Variants in AGAP1 observed in about 807,000 individuals in gnomAD.
The protein encoded by AGAP1 is arf-GAP with GTPase, ANK repeat and PH domain-containing protein 1.
AGAP1 carries 29 observed loss-of-function variants against 105.3 expected under a neutral mutation model. That is an observed-to-expected ratio of 0.28 (90% CI 0.21 to 0.38). AGAP1 has a LOEUF of 0.38. Ranked by LOEUF, AGAP1 falls within the 10% of genes least tolerant of loss-of-function variation. The pLI is 1.00. For synonymous variants in AGAP1, 509 were observed against 485.9 expected, an observed-to-expected ratio of 1.05 and a Z score of -0.63; for missense variants, 998 against 1,165.1, an observed-to-expected ratio of 0.86 and a Z score of 2.09.
intron 1 of AGAP1, among the ~76,000 whole-genome samples, chr2:235,680,640 G>C (rs1192534658): frequency 2.0e-5 from 3 of 152,116 alleles, no homozygotes; most frequent in Non-Finnish European, 4.4e-5. Flanking sequence ...GGTGCTGACA[G>C]GGTGAATGTA....
chr2:235,828,353 T>C (rs994917866), intron 9 of AGAP1, among the ~76,000 whole-genome samples: 3 of 152,114 alleles, frequency 2.0e-5, no homozygotes, highest in Non-Finnish European at 4.4e-5. Context: ...ATTTATGTAA[T>C]GAAAAATCTC....
intron 12 of AGAP1, among the ~76,000 whole-genome samples, chr2:235,952,005 A>G (rs2053757861): frequency 6.6e-6 from 1 of 152,224 alleles, no homozygotes; most frequent in Non-Finnish European, 1.5e-5. Context: ...TTTTAAATAC[A>G]GTTGTTTAAT....
intron 1 of AGAP1, among the ~76,000 whole-genome samples, chr2:235,644,295 C>G (rs1367595357): frequency 6.6e-6 from 1 of 152,174 alleles, no homozygotes; most frequent in East Asian, 1.9e-4. Flanking sequence ...AAGAACGGAG[C>G]GGAGCCTGTT....
At chr2:235,952,368 T>C (rs1286546178) in intron 12 of AGAP1, among the ~76,000 whole-genome samples, 1 of 151,806 alleles carries the variant, frequency 6.6e-6, no homozygotes, top group Non-Finnish European at 1.5e-5. Flanking sequence ...AAAAAAAAAT[T>C]TCATCAGCCA....
intron 10 of AGAP1, among the ~76,000 whole-genome samples, chr2:235,886,960 T>A: frequency 6.6e-6 from 1 of 152,214 alleles, no homozygotes; most frequent in East Asian, 1.9e-4. Context: ...GTGGTCTTGG[T>A]TCAAAATGGG....
At chr2:235,694,815 T>C (rs1277940121) in intron 1 of AGAP1, among the ~76,000 whole-genome samples, 2 of 152,108 alleles carry the variant, frequency 1.3e-5, no homozygotes, top group East Asian at 1.9e-4. Flanking sequence ...TGAGGAGTTA[T>C]GGGTGATTAG....
rs2059088170 is a variant in AGAP1 at position 236,092,514 on chromosome 2, T to A, written c.2115-27678T>A. Among the ~76,000 whole-genome samples the A allele has an allele frequency of 6.6e-6, 1 of 152,092 alleles. No individual in the cohort carries two copies. Among genetic ancestry groups the A allele is most frequent in the Non-Finnish European group, 1.5e-5 (1 of 68,018 alleles). On this transcript the variant is annotated intron_variant, in intron 16 of 17. Transcript: ENST00000304032. The surrounding 1 kb of genome is among the most constrained non-coding windows in gnomAD (Gnocchi z 4.7). ...TTCAAGCAATTCTCCTGCCTCAGCC[T>A]CCCGAGTAAGCTGGGATTACAGGTG... is the stretch of plus-strand genomic sequence containing the variant.
intron 1 of AGAP1, chr2:235,669,979 C>T (rs1575078695): frequency 4.1e-6 from 1 of 244,654 alleles, no homozygotes; most frequent in Non-Finnish European, 7.7e-6. Context: ...CTGAGTGCGG[C>T]CCTCGCGGTC....
rs923573362 is a variant in AGAP1 at position 236,036,911 on chromosome 2, G to C, written c.1800+196G>C. ...TATACCATCATACATGAGTATTCCA[G>C]CCTGACCGTGCTTCCCTGGCAGGAG... is the stretch of plus-strand genomic sequence containing the variant. On this transcript the variant is annotated intron_variant, in intron 14 of 17. Transcript: ENST00000304032. This position sits in a 1 kb window ranked among gnomAD's most constrained non-coding sequence, Gnocchi z 5.7. 6.6e-6 allele frequency among the ~76,000 whole-genome samples: 1 copy of C among 152,216 alleles called. No individual in the cohort carries two copies. The highest frequency in any genetic ancestry group is 1.5e-5 in the Non-Finnish European group (1 of 68,048).
At chr2:235,568,225 C>T (rs1272476168) in intron 1 of AGAP1, among the ~76,000 whole-genome samples, 1 of 152,154 alleles carries the variant, frequency 6.6e-6, no homozygotes, top group Non-Finnish European at 1.5e-5. Context: ...CCTTACTGGG[C>T]TTGGTGATGC....
intron 5 of AGAP1, among the ~76,000 whole-genome samples, chr2:235,748,202 G>A (rs1237530371): frequency 6.6e-6 from 1 of 152,210 alleles, no homozygotes; most frequent in Non-Finnish European, 1.5e-5. Flanking sequence ...TGGTGCAGTG[G>A]CAGAGATTCC....
Position 236,036,547 on chromosome 2 carries a change from A to C in AGAP1, c.1646-14A>C, listed in dbSNP as rs2057388084. 6.2e-7 allele frequency: 1 copy of C among 1,613,170 alleles called. No homozygotes were observed. The highest frequency in any genetic ancestry group is 8.5e-7 in the Non-Finnish European group (1 of 1,179,594). On this transcript the variant is annotated splice_polypyrimidine_tract_variant and intron_variant, in intron 13 of 17. Transcript: ENST00000304032. This position sits in a 1 kb window ranked among gnomAD's most constrained non-coding sequence, Gnocchi z 5.7. ...ATAAAAGCTAAACTCTTCATCCCAC[A>C]CTCTGTGTTTCAGAACAAGAAGAAA...
intron 1 of AGAP1, among the ~76,000 whole-genome samples, chr2:235,637,879 G>C (rs2149300402): frequency 6.6e-6 from 1 of 152,150 alleles, no homozygotes; most frequent in East Asian, 1.9e-4. Context: ...AGTGCAGGAA[G>C]AGACAGATGT....
chr2:236,114,053 C>A lies in AGAP1; in HGVS notation c.2115-6139C>A, dbSNP rs1449721071. 6.6e-6 allele frequency among the ~76,000 whole-genome samples: 1 copy of A among 152,130 alleles called. No individual in the cohort carries two copies. The highest frequency in any genetic ancestry group is 1.5e-5 in the Non-Finnish European group (1 of 68,032). ...GATTTATTTAAAGGTGTGTCAGCAC[C>A]ACATCAAATGAGGAACTGGGCCCCC... On this transcript the variant is annotated intron_variant, in intron 16 of 17. Transcript: ENST00000304032. The surrounding 1 kb of genome is among the most constrained non-coding windows in gnomAD (Gnocchi z 5.0).
intron 10 of AGAP1, among the ~76,000 whole-genome samples, chr2:235,895,317 G>A (rs1020161256): frequency 4.0e-5 from 6 of 151,078 alleles, no homozygotes; most frequent in Non-Finnish European, 8.8e-5. Flanking sequence ...TGATGTCCGT[G>A]CCCCTGCTCT....
rs1948017365 is a variant in AGAP1, at chr2:235,663,170, A to G, written c.164-46009A>G. Among the ~76,000 whole-genome samples the G allele has an allele frequency of 6.6e-6, 1 of 152,132 alleles. No individual in the cohort carries two copies. The highest frequency in any genetic ancestry group is 1.5e-5 in the Non-Finnish European group (1 of 68,016). ...TACTAAAAATAAAAATTAGCTGGGC[A>G]TGGTGGTGGGCGCCTGTGATCCCAT... On this transcript the variant is annotated intron_variant, in intron 1 of 17. Transcript: ENST00000304032. This position sits in a 1 kb window ranked among gnomAD's most constrained non-coding sequence, Gnocchi z 5.4.
At position 235,586,977 on chromosome 2, in the gene AGAP1, A is replaced by G. The variant is rs370663546; in HGVS notation, c.163+92128A>G. On this transcript the variant is annotated intron_variant, in intron 1 of 17. Coordinates refer to ENST00000304032, the MANE Select transcript of AGAP1 (RefSeq NM_001037131.3). This position sits in a 1 kb window ranked among gnomAD's most constrained non-coding sequence, Gnocchi z 4.2. ...TACTAGGGTGGCAGTTTTGAGTCCC[A>G]TGAAAACAAACACATTTACTCTGTC... Among the ~76,000 whole-genome samples, 7 of 152,372 alleles carry G rather than the reference A, an allele frequency of 4.6e-5. No homozygotes were observed. Among genetic ancestry groups the G allele is most frequent in the African/African-American group, 1.7e-4 (7 of 41,596 alleles).
At chr2:235,791,224 T>C (rs1956955594) in intron 6 of AGAP1, among the ~76,000 whole-genome samples, 1 of 149,110 alleles carries the variant, frequency 6.7e-6, no homozygotes, top group Non-Finnish European at 1.5e-5. Context: ...ACTATATAGA[T>C]AATTTGGTAA....
intron 16 of AGAP1, among the ~76,000 whole-genome samples, chr2:236,070,441 A>C (rs910005552): frequency 8.5e-5 from 13 of 152,210 alleles, no homozygotes; most frequent in African/African-American, 3.1e-4. Flanking sequence ...TTCCACCCCT[A>C]GGCGTATCCA....
Sources: gnomAD v4.1 joint callset for allele counts (sites outside exome capture counted in the v4.1 genomes callset) on GRCh38, gnomAD v4.1.1 for gene constraint, Gnocchi (gnomAD v3.1) non-coding constraint, MANE v1.5 for transcripts, NCBI Gene and HGNC (gene_info 2026-07-23, HGNC 2026-07-21) for gene names.